Variants in ENAH observed in about 807,000 individuals in gnomAD.
ENAH encodes protein enabled homolog.
A neutral mutation model predicts 78.7 loss-of-function variants in ENAH; 23 were observed. The ratio of observed to expected loss-of-function variants is 0.29; its 90% CI spans 0.21 to 0.41. ENAH has a LOEUF of 0.41. ENAH is among the 10% of genes least tolerant of loss of function. The pLI, the probability that ENAH is intolerant of heterozygous loss-of-function variation, is 1.00. For missense variants in ENAH, 544 were observed against 691.0 expected (o/e 0.79, Z 2.39); for synonymous variants, 226 against 241.0 (o/e 0.94, Z 0.58).
At chr1:225,652,219 G>A (rs1355681727) in intron 1 of ENAH, 2 of 575,978 alleles carry the variant, frequency 3.5e-6, no homozygotes, top group Non-Finnish European at 4.4e-6. Context: ...ATTACCCGCA[G>A]AGATTTCAGA....
Position 225,490,813 on chromosome 1 carries a change from C to T in ENAH, c.*6962G>A, listed in dbSNP as rs577135853. 7.9e-5 allele frequency: 12 copies of T among 152,346 alleles called. No homozygotes were observed. Among genetic ancestry groups the T allele is most frequent in the African/African-American group, 2.4e-4 (10 of 41,568 alleles). 9.4% of individuals were successfully genotyped at this position (152,346 alleles called of 1,614,324 possible). ...CTGGAAATTTAAGTGGCAAAGTCAA[C>T]GTCTTTTACCAACCATCCATGGGCT... On this transcript the variant is annotated 3_prime_UTR_variant, in exon 14 of 14. Coordinates refer to ENST00000366843, the MANE Select transcript of ENAH (RefSeq NM_018212.6).
chr1:225,558,317 G>A (rs1446123382), intron 2 of ENAH, among the ~76,000 whole-genome samples: 2 of 152,050 alleles, frequency 1.3e-5, no homozygotes, highest in Non-Finnish European at 2.9e-5. Flanking sequence ...TTAAAGGATT[G>A]GTTGAAAAGA....
chr1:225,493,150 C>T lies in ENAH; in HGVS notation c.*4625G>A, dbSNP rs567220093. ...TTCCAGTATTGATATTTTAAAAAAT[C>T]TTGATGTCTCAAAAATTATCGAGAG... On this transcript the variant is annotated 3_prime_UTR_variant, in exon 14 of 14. Transcript: ENST00000366843. 1 of 152,214 alleles carries T rather than the reference C, an allele frequency of 6.6e-6. No individual in the cohort carries two copies. The highest frequency in any genetic ancestry group is 2.4e-5 in the African/African-American group (1 of 41,548). The allele number at this position is 152,214 out of a possible 1,614,324, so 9.4% of individuals were successfully genotyped here.
At chr1:225,513,608 A>G (rs1231557692) in intron 7 of ENAH, among the ~76,000 whole-genome samples, 1 of 152,204 alleles carries the variant, frequency 6.6e-6, no homozygotes, top group Non-Finnish European at 1.5e-5. Context: ...TTATGCAGGT[A>G]AATGTCCTTG....
rs59508510 is a variant in ENAH at position 225,609,656 on chromosome 1, A to ATTT, written c.6-42245_6-42243dup. On this transcript the variant is annotated intron_variant, in intron 1 of 13. Transcript: ENST00000366843. ...ATTCTAGCAGGAAAGGGAAAAATGG[A>ATTT]TTTTTTTTTTTTTTTTTTTTTTTTT... 5.2e-3 allele frequency among the ~76,000 whole-genome samples: 395 copies of ATTT among 76,516 alleles called. 60 individuals are homozygous for ATTT. The highest frequency in any genetic ancestry group is 0.012 in the African/African-American group (221 of 19,114). The allele number at this position is 76,516 out of a possible 152,430, so 50.2% of individuals were successfully genotyped here.
Position 225,632,493 on chromosome 1 carries a change from G to A in ENAH, c.5+20193C>T, listed in dbSNP as rs556421654. ...AACCTGGGTGACACAGCGAGACTCCGTCTCAAAAAAAAAAAAAAAAAGTGG... is the reference window on the plus strand; with the variant it reads ...AACCTGGGTGACACAGCGAGACTCCATCTCAAAAAAAAAAAAAAAAAGTGG... On this transcript the variant is annotated intron_variant, in intron 1 of 13. Coordinates refer to ENST00000366843, the MANE Select transcript of ENAH (RefSeq NM_018212.6). Among the ~76,000 whole-genome samples, 464 of 125,450 alleles carry A rather than the reference G, an allele frequency of 3.7e-3. 1 individual carries two copies. Among genetic ancestry groups the A allele is most frequent in the African/African-American group, 0.012 (439 of 35,762 alleles). The allele number at this position is 125,450 out of a possible 152,430, so 82.3% of individuals were successfully genotyped here.
At chr1:225,504,520 C>G (rs1015733876) in intron 11 of ENAH, among the ~76,000 whole-genome samples, 1 of 152,108 alleles carries the variant, frequency 6.6e-6, no homozygotes, top group African/African-American at 2.4e-5. Flanking sequence ...TAGGGCTCAT[C>G]CTAGAAAACA....
intron 1 of ENAH, among the ~76,000 whole-genome samples, chr1:225,600,346 C>A (rs1473164365): frequency 6.6e-6 from 1 of 151,654 alleles, no homozygotes; most frequent in Non-Finnish European, 1.5e-5. Context: ...CCAGCCTGGG[C>A]AACAGTCAGA....
At chr1:225,510,949 A>T (rs996797249) in intron 10 of ENAH, among the ~76,000 whole-genome samples, 2 of 152,004 alleles carry the variant, frequency 1.3e-5, no homozygotes, top group South Asian at 4.2e-4. Flanking sequence ...TGAGCCCAGG[A>T]GGTGGGGGTT....
intron 1 of ENAH, among the ~76,000 whole-genome samples, chr1:225,627,852 C>A (rs375575434): frequency 6.6e-6 from 1 of 152,134 alleles, no homozygotes; most frequent in Non-Finnish European, 1.5e-5. Flanking sequence ...CAAACCTACC[C>A]CAGCTCTCAA....
chr1:225,631,730 G>C (rs998097239), intron 1 of ENAH, among the ~76,000 whole-genome samples: 15 of 152,028 alleles, frequency 9.9e-5, no homozygotes, highest in African/African-American at 3.4e-4. Flanking sequence ...CCATGTACCA[G>C]CAAAAAGTGC....
At chr1:225,593,038 G>A (rs1425851458) in intron 1 of ENAH, among the ~76,000 whole-genome samples, 2 of 151,944 alleles carry the variant, frequency 1.3e-5, no homozygotes, top group Non-Finnish European at 2.9e-5. Flanking sequence ...TATATCAAAC[G>A]AAGTTCAAAA....
chr1:225,588,880 G>A (rs190820601), intron 1 of ENAH, among the ~76,000 whole-genome samples: 2 of 149,772 alleles, frequency 1.3e-5, no homozygotes, highest in African/African-American at 4.9e-5. Flanking sequence ...CCTCTGACAA[G>A]TCAATTTCAA....
intron 4 of ENAH, among the ~76,000 whole-genome samples, chr1:225,520,636 T>C (rs1318784361): frequency 6.6e-6 from 1 of 152,004 alleles, no homozygotes. Context: ...GTGGGAGGAT[T>C]GTCTGAACCC....
At chr1:225,521,502 G>T in intron 4 of ENAH, among the ~76,000 whole-genome samples, 1 of 151,778 alleles carries the variant, frequency 6.6e-6, no homozygotes, top group South Asian at 2.1e-4. Context: ...TTAGCTGGGC[G>T]TGGTGGTGTG....
intron 1 of ENAH, among the ~76,000 whole-genome samples, chr1:225,635,464 T>C (rs541965742): frequency 4.0e-4 from 61 of 152,362 alleles, no homozygotes; most frequent in African/African-American, 1.4e-3. Context: ...CCAGCTGCTT[T>C]ACTGTGGAAT....
intron 1 of ENAH, among the ~76,000 whole-genome samples, chr1:225,600,846 T>C (rs1181350835): frequency 6.6e-6 from 1 of 151,876 alleles, no homozygotes; most frequent in Non-Finnish European, 1.5e-5. Context: ...GAGGAAAATA[T>C]ATAGCTTTAA....
chr1:225,489,911 T>G lies in ENAH; in HGVS notation c.*7864A>C, dbSNP rs1350162188. On this transcript the variant is annotated 3_prime_UTR_variant, in exon 14 of 14. Transcript: ENST00000366843. ...TTGCAGTGAGCTGAAATCACACCAC[T>G]GCACTCCAGCCTGGATGACAGAGCG... The G allele has an allele frequency of 2.0e-5, 3 of 152,110 alleles. No homozygotes were observed. The allele number at this position is 152,110 out of a possible 1,614,324, so 9.4% of individuals were successfully genotyped here.
rs553073132 is a variant in ENAH, at chr1:225,635,097, G to C, written c.5+17589C>G. ...TGAAGACAAAGTCTTTTTATTTATT[G>C]AAGTCTTTTCTTTCAACAATATTTT... On this transcript the variant is annotated intron_variant, in intron 1 of 13. Coordinates refer to ENST00000366843, the MANE Select transcript of ENAH (RefSeq NM_018212.6). Among the ~76,000 whole-genome samples the C allele has an allele frequency of 2.0e-4, 30 of 152,190 alleles. No individual in the cohort carries two copies. In the South Asian group the frequency reaches 2.3e-3, roughly 12 times the overall value.
Sources: allele counts gnomAD v4.1 joint callset (sites outside exome capture counted in the v4.1 genomes callset), GRCh38; gene constraint gnomAD v4.1.1; transcripts MANE v1.5; gene names NCBI Gene and HGNC (gene_info 2026-07-23, HGNC 2026-07-21).